PCDH15: variants seen among roughly 807,000 people sequenced by gnomAD.
PCDH15 encodes the protein protocadherin-15.
PCDH15 carries 129 observed loss-of-function variants against 178.5 expected under a neutral mutation model. The observed-to-expected ratio is 0.72, with a 90% CI of 0.63 to 0.84. The LOEUF (loss-of-function observed/expected upper bound fraction) is 0.84. Ranked by LOEUF, PCDH15 falls within the 40% of genes least tolerant of loss-of-function variation. PCDH15 has a pLI of 0.00. For missense variants in PCDH15, 2,230 were observed against 2,099.9 expected (o/e 1.06, Z -1.21); for synonymous variants, 800 against 732.0 (o/e 1.09, Z -1.50).
chr10:54,809,545 A>C (rs1415060673), intron 3 of PCDH15, among the ~76,000 whole-genome samples: 1 of 152,164 alleles, frequency 6.6e-6, no homozygotes, highest in Non-Finnish European at 1.5e-5. Context: ...AGGAATGCTT[A>C]TTACACACTA....
chr10:54,728,056 A>G (rs1942824959), intron 1 of PCDH15, among the ~76,000 whole-genome samples: 1 of 151,598 alleles, frequency 6.6e-6, no homozygotes, highest in Non-Finnish European at 1.5e-5. Flanking sequence ...AAAACTGAGG[A>G]GGGACTTCTC....
chr10:55,147,551 G>C (rs2132096526), intron 2 of PCDH15, among the ~76,000 whole-genome samples: 1 of 151,466 alleles, frequency 6.6e-6, no homozygotes, highest in Admixed American at 6.6e-5. Flanking sequence ...GGGTAGACAG[G>C]TTCAAATAAG....
intron 3 of PCDH15, among the ~76,000 whole-genome samples, chr10:54,853,216 C>T (rs982497742): frequency 1.3e-5 from 2 of 149,582 alleles, no homozygotes; most frequent in Non-Finnish European, 3.0e-5. Flanking sequence ...GCCGAGATTA[C>T]ACCATTGCAC....
In PCDH15 at chr10:55,361,303, C is replaced by T. The variant is rs116487119; in HGVS notation, c.-155-194652G>A. Among the ~76,000 whole-genome samples, 679 of 152,058 alleles carry T rather than the reference C, an allele frequency of 4.5e-3. 4 individuals are homozygous for T. Among genetic ancestry groups the T allele is most frequent in the African/African-American group, 0.016 (646 of 41,524 alleles). ...ATGTTTTTTATTTTCTAAAATTTCACTGGGTGTGCCCTTGTTAATTATCTT... is the reference window on the plus strand; with the variant it reads ...ATGTTTTTTATTTTCTAAAATTTCATTGGGTGTGCCCTTGTTAATTATCTT... On this transcript the variant is annotated intron_variant, in intron 2 of 5. Transcript: ENST00000613346.
intron 1 of PCDH15, among the ~76,000 whole-genome samples, chr10:55,245,608 A>G (rs1002581327): frequency 2.0e-5 from 3 of 152,104 alleles, no homozygotes; most frequent in African/African-American, 7.2e-5. Flanking sequence ...AAATCCTTCA[A>G]TGTTGGAGTA....
At chr10:55,335,811 T>C (rs2132316039) in intron 2 of PCDH15, among the ~76,000 whole-genome samples, 1 of 152,292 alleles carries the variant, frequency 6.6e-6, no homozygotes, top group South Asian at 2.1e-4. Flanking sequence ...GGGTAACTTG[T>C]AGTTCCTCAT....
At chr10:54,293,220 G>A (rs571830110) in intron 8 of PCDH15, among the ~76,000 whole-genome samples, 15 of 152,132 alleles carry the variant, frequency 9.9e-5, no homozygotes, top group Non-Finnish European at 1.8e-4. Context: ...ATGGGGAAAC[G>A]ATTCCCTATT....
At chr10:54,528,005 A>G (rs2083525314) in intron 2 of PCDH15, 128 bp from the exon 3 acceptor site, 2 of 707,086 alleles carry the variant, frequency 2.8e-6, no homozygotes, top group Non-Finnish European at 4.9e-6. Flanking sequence ...ATGCATCACT[A>G]CAATTAATAT....
At chr10:53,871,682 C>G (rs1242878768) in intron 26 of PCDH15, among the ~76,000 whole-genome samples, 1 of 152,064 alleles carries the variant, frequency 6.6e-6, no homozygotes, top group Non-Finnish European at 1.5e-5. Flanking sequence ...CTCTACTTTT[C>G]TTAATTTTCT....
intron 2 of PCDH15, among the ~76,000 whole-genome samples, chr10:55,350,761 A>G (rs1844905538): frequency 6.6e-6 from 1 of 152,076 alleles, no homozygotes; most frequent in Admixed American, 6.6e-5. Flanking sequence ...TGCAGCTCTA[A>G]AGTTGAAAAA....
At chr10:54,655,298 G>GAGAGAGAC (rs1565866433) in intron 2 of PCDH15, among the ~76,000 whole-genome samples, 5 of 112,530 alleles carry the variant, frequency 4.4e-5, no homozygotes, top group Admixed American at 1.7e-4. Context: ...GAGAGAGAGA[G>GAGAGAGAC]AGAGACAGAG....
intron 8 of PCDH15, among the ~76,000 whole-genome samples, chr10:54,277,898 A>G (rs1019990876): frequency 2.8e-4 from 43 of 151,516 alleles, no homozygotes; most frequent in Admixed American, 2.6e-3. Context: ...TGAAAAATGG[A>G]AAGATGGAAT....
At chr10:54,927,080 C>A (rs1837649268) in intron 2 of PCDH15, among the ~76,000 whole-genome samples, 1 of 151,964 alleles carries the variant, frequency 6.6e-6, no homozygotes, top group East Asian at 1.9e-4. Context: ...GCATTTAGTA[C>A]TATAAATTTC....
At chr10:55,458,403 A>C (rs1839599811) in intron 2 of PCDH15, among the ~76,000 whole-genome samples, 1 of 152,066 alleles carries the variant, frequency 6.6e-6, no homozygotes, top group South Asian at 2.1e-4. Flanking sequence ...GATTTTGAAA[A>C]GGCAATTAAC....
intron 1 of PCDH15, among the ~76,000 whole-genome samples, chr10:55,283,178 C>T (rs746611924): frequency 3.9e-5 from 6 of 152,112 alleles, no homozygotes; most frequent in Middle Eastern, 3.4e-3. Context: ...TGAGATATTT[C>T]GCAGACCCTG....
At chr10:53,997,207 A>G (rs1033095260) in intron 20 of PCDH15, among the ~76,000 whole-genome samples, 3 of 152,178 alleles carry the variant, frequency 2.0e-5, no homozygotes, top group African/African-American at 7.2e-5. Context: ...TCTATGAAAA[A>G]TATTTTTACA....
At chr10:54,833,524 T>C (rs1183348537) in intron 3 of PCDH15, among the ~76,000 whole-genome samples, 1 of 152,198 alleles carries the variant, frequency 6.6e-6, no homozygotes. Flanking sequence ...CTTTCCTGAA[T>C]TTCCAGCATG....
At chr10:54,072,851 T>G (rs888713445) in intron 17 of PCDH15, among the ~76,000 whole-genome samples, 1 of 152,120 alleles carries the variant, frequency 6.6e-6, no homozygotes, top group African/African-American at 2.4e-5. Context: ...GACTGGTAAA[T>G]ACATGTTACA....
At chr10:54,670,854 G>C (rs1012533582) in intron 1 of PCDH15, among the ~76,000 whole-genome samples, 2 of 151,914 alleles carry the variant, frequency 1.3e-5, no homozygotes, top group African/African-American at 4.8e-5. Flanking sequence ...CTTTGCTATT[G>C]AGCATGCACT....
Sources: allele counts gnomAD v4.1 joint callset (sites outside exome capture counted in the v4.1 genomes callset), GRCh38; gene constraint gnomAD v4.1.1; transcripts MANE v1.5; gene names NCBI Gene and HGNC (gene_info 2026-07-23, HGNC 2026-07-21).